NTN4: variants seen among roughly 807,000 people sequenced by gnomAD.
The protein encoded by NTN4 is netrin-4.
NTN4 carries 32 observed loss-of-function variants against 73.6 expected under a neutral mutation model. The ratio of observed to expected loss-of-function variants is 0.44; its 90% CI spans 0.33 to 0.58. NTN4 has a LOEUF of 0.58. Among genes scored for constraint, NTN4 ranks in the 20% least tolerant of loss-of-function variants. The probability of loss-of-function intolerance (pLI) is 0.04; values close to 1 mark genes in which losing one functional copy is unlikely to be tolerated. For synonymous variants in NTN4, 258 were observed against 287.5 expected (o/e 0.90, Z 1.04); for missense variants, 654 against 798.3 (o/e 0.82, Z 2.18).
chr12:95,770,333 T>C (rs1245358400), intron 2 of NTN4, among the ~76,000 whole-genome samples: 1 of 152,172 alleles, frequency 6.6e-6, no homozygotes, highest in Non-Finnish European at 1.5e-5. Flanking sequence ...CTTCTGAGCT[T>C]TCATGATCAT....
chr12:95,759,407 A>G (rs2078969061), intron 2 of NTN4, among the ~76,000 whole-genome samples: 1 of 151,606 alleles, frequency 6.6e-6, no homozygotes, highest in South Asian at 2.1e-4. Context: ...TGATTCATTA[A>G]TAGTTTCTAT....
chr12:95,750,156 TGTGCCCCGACCCCTTATTTCC>T (rs2078894724), intron 2 of NTN4, among the ~76,000 whole-genome samples: 1 of 151,440 alleles, frequency 6.6e-6, no homozygotes, highest in Non-Finnish European at 1.5e-5. Context: ...CCCTTATTTC[TGTGCCCCGACCCCTTATTTCC>T]ATGCCCCAAC....
chr12:95,708,470 G>A (rs1329239929), intron 5 of NTN4, among the ~76,000 whole-genome samples: 1 of 151,808 alleles, frequency 6.6e-6, no homozygotes. Flanking sequence ...TGTATTTTTA[G>A]TAGAGATGGG....
At chr12:95,665,120 G>A (rs2078169536) in intron 9 of NTN4, among the ~76,000 whole-genome samples, 1 of 152,144 alleles carries the variant, frequency 6.6e-6, no homozygotes, top group African/African-American at 2.4e-5. Flanking sequence ...TGATGAGGGA[G>A]ACAGAGAAAT....
intron 2 of NTN4, among the ~76,000 whole-genome samples, chr12:95,743,259 T>C (rs1416230108): frequency 7.1e-6 from 1 of 140,980 alleles, no homozygotes; most frequent in Non-Finnish European, 1.6e-5. Context: ...GCTTTTTGTT[T>C]TAATGATTTT....
Position 95,787,482 on chromosome 12 carries a change from A to G in NTN4, c.56-14T>C, listed in dbSNP as rs2079178144. The G allele has an allele frequency of 6.2e-7, 1 of 1,610,244 alleles. No homozygotes were observed. The highest frequency in any genetic ancestry group is 1.3e-5 in the African/African-American group (1 of 74,892). On this transcript the variant is annotated splice_polypyrimidine_tract_variant and intron_variant, in intron 1 of 9. Coordinates refer to ENST00000343702, the MANE Select transcript of NTN4 (RefSeq NM_021229.4). ...CTCCACTCAGTCCTAAGAAAGGGAA[A>G]GCATGCATGATGCAAGACAAACCCA...
At chr12:95,714,198 C>T (rs1220524474) in intron 3 of NTN4, among the ~76,000 whole-genome samples, 2 of 152,080 alleles carry the variant, frequency 1.3e-5, no homozygotes, top group Non-Finnish European at 2.9e-5. Context: ...TATTATTTCA[C>T]TGATAACTTC....
intron 2 of NTN4, among the ~76,000 whole-genome samples, chr12:95,771,967 T>C (rs2079061761): frequency 6.6e-6 from 1 of 152,118 alleles, no homozygotes; most frequent in Non-Finnish European, 1.5e-5. Flanking sequence ...CTGACTATGG[T>C]AACCCAACAT....
chr12:95,784,907 T>C (rs900891869), intron 2 of NTN4, among the ~76,000 whole-genome samples: 2 of 152,188 alleles, frequency 1.3e-5, no homozygotes, highest in African/African-American at 4.8e-5. Context: ...TTGATGACAA[T>C]AAATAGTTGG....
In NTN4 at chr12:95,688,479, A is replaced by G. The variant is rs939142026; in HGVS notation, c.1181-4768T>C. ...TGCTGAGGGTGGAGATAGGGAAGGA[A>G]GGGAAAGAGAATGAGTTTAGGATCA... On this transcript the variant is annotated intron_variant, in intron 5 of 9. Transcript: ENST00000343702. 2.0e-5 allele frequency among the ~76,000 whole-genome samples: 3 copies of G among 152,272 alleles called. No individual in the cohort carries two copies. The South Asian group carries it at 6.2e-4, about 32-fold the overall frequency.
chr12:95,742,281 G>A (rs1204849755), intron 2 of NTN4, among the ~76,000 whole-genome samples: 1 of 151,748 alleles, frequency 6.6e-6, no homozygotes, highest in Non-Finnish European at 1.5e-5. Context: ...GGATCACAAT[G>A]TCAGGAGTTT....
chr12:95,681,188 CAAAAAAAA>C (rs11366396), intron 7 of NTN4, among the ~76,000 whole-genome samples: 1 of 95,474 alleles, frequency 1.0e-5, no homozygotes, highest in East Asian at 2.9e-4. Flanking sequence ...GACTTTGTCT[CAAAAAAAA>C]AAAAAAAAAA....
chr12:95,765,844 G>T (rs1390829349), intron 2 of NTN4, among the ~76,000 whole-genome samples: 1 of 152,080 alleles, frequency 6.6e-6, no homozygotes, highest in African/African-American at 2.4e-5. Context: ...AGAATCCAAG[G>T]CCCCTAAAAT....
chr12:95,763,326 T>C (rs993485501), intron 2 of NTN4, among the ~76,000 whole-genome samples: 8 of 152,188 alleles, frequency 5.3e-5, no homozygotes, highest in Non-Finnish European at 2.9e-5. Flanking sequence ...CTGATGCCCA[T>C]TCATTCTCTG....
intron 9 of NTN4, 193 bp downstream of exon 9, chr12:95,665,617 A>T (rs1490730364): frequency 2.2e-6 from 1 of 449,674 alleles, no homozygotes; most frequent in Non-Finnish European, 3.9e-6. Flanking sequence ...AAACTTTTAT[A>T]GAGCACATGG....
intron 3 of NTN4, among the ~76,000 whole-genome samples, chr12:95,727,052 T>C (rs188104373): frequency 3.9e-5 from 6 of 152,328 alleles, no homozygotes; most frequent in African/African-American, 1.2e-4. Flanking sequence ...CAGCAATGTA[T>C]GAAGGTTCCA....
At chr12:95,739,034 C>T (rs1030135043) in intron 2 of NTN4, among the ~76,000 whole-genome samples, 2 of 152,184 alleles carry the variant, frequency 1.3e-5, no homozygotes, top group African/African-American at 4.8e-5. Flanking sequence ...CACCATCTGA[C>T]ATTATATTTG....
chr12:95,711,364 C>G (rs1430514517), intron 4 of NTN4, among the ~76,000 whole-genome samples: 8 of 152,212 alleles, frequency 5.3e-5, no homozygotes, highest in Non-Finnish European at 1.0e-4. Context: ...TTTACCCTCT[C>G]TTTTGGTAAC....
chr12:95,773,962 T>C (rs1000239304), intron 2 of NTN4, among the ~76,000 whole-genome samples: 3 of 152,140 alleles, frequency 2.0e-5, no homozygotes, highest in Non-Finnish European at 4.4e-5. Context: ...TGAAGAACTG[T>C]GATGTTCATT....
Sources: allele counts gnomAD v4.1 joint callset (sites outside exome capture counted in the v4.1 genomes callset), GRCh38; gene constraint gnomAD v4.1.1; transcripts MANE v1.5; gene names NCBI Gene and HGNC (gene_info 2026-07-23, HGNC 2026-07-21).